UGGT1: variants seen among roughly 807,000 people sequenced by gnomAD.
UGGT1 encodes the protein UDP-glucose glycoprotein glucosyltransferase 1.
In UGGT1, 107 loss-of-function variants were observed where a neutral mutation model predicts 203.9. The ratio of observed to expected loss-of-function variants is 0.52; its 90% CI spans 0.45 to 0.62. The LOEUF is 0.62. UGGT1 is among the 20% of genes least tolerant of loss of function. The probability of loss-of-function intolerance (pLI) is 0.00; values close to 1 mark genes in which losing one functional copy is unlikely to be tolerated. For missense variants in UGGT1, 1,673 were observed against 1,867.2 expected (o/e 0.90, Z 1.92); for synonymous variants, 628 against 653.5 (o/e 0.96, Z 0.59).
In UGGT1 at chr2:128,194,023, T is replaced by C. The variant is rs1692401857; in HGVS notation, c.*4281T>C. 1 of 152,140 alleles carries C rather than the reference T, an allele frequency of 6.6e-6. No individual in the cohort carries two copies. Among genetic ancestry groups the C allele is most frequent in the African/African-American group, 2.4e-5 (1 of 41,430 alleles). 9.4% of individuals were successfully genotyped at this position (152,140 alleles called of 1,614,324 possible). A position where few individuals can be genotyped will look rare whatever the true frequency, so the allele number is the denominator to read the frequency against. On this transcript the variant is annotated 3_prime_UTR_variant, in exon 41 of 41. Coordinates refer to ENST00000259253, the MANE Select transcript of UGGT1 (RefSeq NM_020120.4). ...TTGGTAAAGCTACCTGATGGAAGCT[T>C]TCTCTTGGTAACAAAAATGGAGGGT... is the stretch of plus-strand genomic sequence containing the variant.
chr2:128,144,384 A>G (rs1689580288), intron 17 of UGGT1, among the ~76,000 whole-genome samples: 2 of 152,222 alleles, frequency 1.3e-5, no homozygotes, highest in African/African-American at 2.4e-5. Flanking sequence ...AGGAAGCTAC[A>G]TAGTCCAAAC....
chr2:128,159,548 A>G lies in UGGT1; in HGVS notation c.2390A>G (p.Asn797Ser), dbSNP rs1690420892. 5 of 1,614,220 alleles carry G rather than the reference A, an allele frequency of 3.1e-6. No homozygotes were observed. Among genetic ancestry groups the G allele is most frequent in the African/African-American group, 1.3e-5 (1 of 75,052 alleles). Residue 797 changes from asparagine (N) to serine (S), a missense_variant, in exon 23 of 41, where the codon AAT becomes AGT. This residue lies in a region of UGGT1 where 1,073 missense variants were observed against 1,078.7 expected (regional missense o/e 0.99). Coordinates refer to ENST00000259253, the MANE Select transcript of UGGT1 (RefSeq NM_020120.4). ...AACAATGTTAGAATAAGCATGATCA[A>G]TAATCCTGCCAAAGAGATAAGCTAT... Reference protein sequence around the residue: ...SSNNVRISMINNPAKEISYEN... With the variant: ...SSNNVRISMISNPAKEISYEN...
intron 11 of UGGT1, among the ~76,000 whole-genome samples, chr2:128,125,761 A>C (rs1688569397): frequency 6.6e-6 from 1 of 152,126 alleles, no homozygotes; most frequent in Admixed American, 6.5e-5. Context: ...ATGTTTACTA[A>C]ATTGAAAAAC....
intron 11 of UGGT1, among the ~76,000 whole-genome samples, chr2:128,125,890 T>A (rs1390306853): frequency 6.6e-6 from 1 of 151,880 alleles, no homozygotes; most frequent in Non-Finnish European, 1.5e-5. Context: ...TGCTGTTTCA[T>A]GGAGTCTTAA....
At chr2:128,155,084 AC>A (rs1399067073) in intron 19 of UGGT1, among the ~76,000 whole-genome samples, 1 of 152,198 alleles carries the variant, frequency 6.6e-6, no homozygotes, top group Non-Finnish European at 1.5e-5. Flanking sequence ...CAGTTTTCTT[AC>A]GTATTTTCTC....
chr2:128,117,226 A>AT (rs761663728), intron 8 of UGGT1, among the ~76,000 whole-genome samples: 56 of 151,956 alleles, frequency 3.7e-4, no homozygotes, highest in Non-Finnish European at 7.5e-4. Context: ...AGTAGCTAGG[A>AT]TTACAGGCAC....
intron 18 of UGGT1, among the ~76,000 whole-genome samples, chr2:128,151,764 G>A (rs1440054635): frequency 6.6e-6 from 1 of 152,120 alleles, no homozygotes; most frequent in African/African-American, 2.4e-5. Context: ...CCAGCTATTT[G>A]GGAGGTTAAG....
chr2:128,145,238 G>A (rs1050557984), intron 17 of UGGT1, among the ~76,000 whole-genome samples: 2 of 152,128 alleles, frequency 1.3e-5, no homozygotes, highest in Non-Finnish European at 2.9e-5. Flanking sequence ...TATAATTTAT[G>A]GTAGCAAAAC....
At chr2:128,177,403 G>A (rs1691452357) in intron 32 of UGGT1, among the ~76,000 whole-genome samples, 1 of 152,082 alleles carries the variant, frequency 6.6e-6, no homozygotes, top group African/African-American at 2.4e-5. Context: ...TCACTGTACT[G>A]CCAAGAAGAA....
rs183226684 is a variant in UGGT1 at position 128,131,788 on chromosome 2, C to T, written c.1378-1353C>T. On this transcript the variant is annotated intron_variant, in intron 13 of 40. Coordinates refer to ENST00000259253, the MANE Select transcript of UGGT1 (RefSeq NM_020120.4). ...GACTACAGGCGCACACCACCATGCCCAGCTAATTTTTGTATTTTTAATAGA... is the reference window on the plus strand; with the variant it reads ...GACTACAGGCGCACACCACCATGCCTAGCTAATTTTTGTATTTTTAATAGA... Among the ~76,000 whole-genome samples the T allele has an allele frequency of 6.4e-3, 980 of 152,166 alleles. 10 individuals carry two copies. The highest frequency in any genetic ancestry group is 9.3e-3 in the Non-Finnish European group (630 of 68,004).
In UGGT1 at chr2:128,182,258, C is replaced by T. The variant is rs753106799; in HGVS notation, c.4212C>T (p.Ala1404=). The T allele has an allele frequency of 9.9e-6, 16 of 1,613,696 alleles. No homozygotes were observed. The highest frequency in any genetic ancestry group is 1.3e-5 in the Non-Finnish European group (15 of 1,179,886). ...GYRFWKSGYW[A]SHLAGRKYHI... ...GGTTCTGGAAGTCAGGGTACTGGGC[C>T]AGTCATTTAGCCGGGCGAAAGTATC... Residue 1404 remains alanine (A), a synonymous_variant, in exon 37 of 41, where the codon GCC becomes GCT. Coordinates refer to ENST00000259253, the MANE Select transcript of UGGT1 (RefSeq NM_020120.4).
Position 128,172,622 on chromosome 2 carries a change from A to G in UGGT1, c.3154A>G (p.Ser1052Gly), listed in dbSNP as rs1289391886. Residue 1052 changes from serine (S) to glycine (G), a missense_variant, in exon 29 of 41, where the codon AGT becomes GGT. Ser to Gly is a moderately conservative substitution (Grantham distance 56). Around this residue, in one of 4 missense-constraint regions of UGGT1, gnomAD observed 513 missense variants for 684.1 expected, o/e 0.75. Coordinates refer to ENST00000259253, the MANE Select transcript of UGGT1 (RefSeq NM_020120.4). ...AGAGATTTCTTTCACTTCAGACAAT[A>G]GTTTTGCTAAGGGTCCAATCGCAAA... ...EPEISFTSDN[S>G]FAKGPIAKFL... 1.9e-6 allele frequency: 3 copies of G among 1,614,020 alleles called. No individual in the cohort carries two copies. The highest frequency in any genetic ancestry group is 2.2e-5 in the East Asian group (1 of 44,890).
At position 128,159,518 on chromosome 2, in the gene UGGT1, C is replaced by T. The variant is rs1446740315; in HGVS notation, c.2360C>T (p.Ser787Phe). 6.2e-7 allele frequency: 1 copy of T among 1,613,752 alleles called. No individual in the cohort carries two copies. The highest frequency in any genetic ancestry group is 1.3e-5 in the African/African-American group (1 of 75,006). Residue 787 changes from serine to phenylalanine, a missense_variant, in exon 23 of 41, where the codon TCC becomes TTC. Physicochemically the swap from Ser to Phe is radical, Grantham distance 155 (BLOSUM62 -2). This residue lies in a region of UGGT1 where 1,073 missense variants were observed against 1,078.7 expected (regional missense o/e 0.99). Coordinates refer to ENST00000259253, the MANE Select transcript of UGGT1 (RefSeq NM_020120.4). The stretch of plus-strand genomic sequence containing the variant: ...CGTTTCCCATTTTGTGAACAGAAAT[C>T]CAGTAACAATGTTAGAATAAGCATG... ...LLYDAIKHQK[S>F]SNNVRISMIN... is the part of the protein sequence containing the mutation.
rs1016734722 is a variant in UGGT1, at chr2:128,173,431, G to A, written c.3295-350G>A. On this transcript the variant is annotated intron_variant, in intron 29 of 40. Coordinates refer to ENST00000259253, the MANE Select transcript of UGGT1 (RefSeq NM_020120.4). ...AACATTTAGTATCTTATCCTCGTTCGTATTTTTAGAATAACGTCCTTATTG... is the reference window on the plus strand; with the variant it reads ...AACATTTAGTATCTTATCCTCGTTCATATTTTTAGAATAACGTCCTTATTG... 5.3e-5 allele frequency among the ~76,000 whole-genome samples: 8 copies of A among 151,932 alleles called. 1 individual carries two copies. In the East Asian group the frequency reaches 1.3e-3, roughly 26 times the overall value.
chr2:128,180,849 C>T, intron 35 of UGGT1, 41 bp from the exon 36 acceptor site: 1 of 1,577,838 alleles, frequency 6.3e-7, no homozygotes, highest in African/African-American at 1.4e-5. Context: ...TTTTCTTAAT[C>T]AGAAGAAATG....
intron 32 of UGGT1, 141 bp from the exon 33 acceptor site, chr2:128,177,691 T>C: frequency 1.6e-6 from 1 of 608,792 alleles, no homozygotes; most frequent in South Asian, 2.6e-5. Flanking sequence ...CCTTCTAGAC[T>C]CTGGGTGGGG....
intron 2 of UGGT1, among the ~76,000 whole-genome samples, chr2:128,098,797 GA>G (rs1345431043): frequency 6.6e-6 from 1 of 150,542 alleles, no homozygotes; most frequent in East Asian, 2.0e-4. Flanking sequence ...AAAATGGGTA[GA>G]ATTTTTCATA....
At chr2:128,114,982 C>T (rs774283502) in intron 6 of UGGT1, 142 bp from the exon 7 acceptor site, 22 of 726,604 alleles carry the variant, frequency 3.0e-5, no homozygotes, top group Non-Finnish European at 4.6e-5. Context: ...TAGTTAATAT[C>T]GTTAAAAAAC....
Position 128,177,871 on chromosome 2 carries a change from A to C in UGGT1, c.3664A>C (p.Ser1222Arg). The C allele has an allele frequency of 6.2e-7, 1 of 1,605,578 alleles. No homozygotes were observed. Among genetic ancestry groups the C allele is most frequent in the South Asian group, 1.1e-5 (1 of 89,372 alleles). ...KADMVNEDLL[S>R]DGTSENESGF... ...AGATATGGTGAACGAAGACTTGCTGAGTGATGGAACGAGTGAGAATGAATC... is the reference window on the plus strand; with the variant it reads ...AGATATGGTGAACGAAGACTTGCTGCGTGATGGAACGAGTGAGAATGAATC... The change falls in exon 33 of 41, where the codon AGT (serine) becomes CGT (arginine). Residue 1222 changes from serine to arginine, a missense_variant. Physicochemically the swap from Ser to Arg is moderately radical, Grantham distance 110. Transcript: ENST00000259253.
Sources: gnomAD v4.1 joint callset for allele counts (sites outside exome capture counted in the v4.1 genomes callset) on GRCh38, gnomAD v4.1.1 for gene constraint, gnomAD v4.1.1 regional missense constraint, MANE v1.5 for transcripts, NCBI Gene and HGNC (gene_info 2026-07-23, HGNC 2026-07-21) for gene names.